Variants in PNO1 observed in about 807,000 individuals in gnomAD.
PNO1 encodes partner of NOB1 homolog, also known as RNA-binding protein PNO1.
Under a neutral mutation model 28.4 loss-of-function variants are expected in PNO1, and 16 were observed. That is an observed-to-expected ratio of 0.56 (90% confidence interval 0.38 to 0.85). The LOEUF (loss-of-function observed/expected upper bound fraction) is 0.85, where lower values mean the gene tolerates loss of function less well. Among genes scored for constraint, PNO1 ranks in the 40% least tolerant of loss-of-function variants. The pLI is 0.00. For missense variants in PNO1, 304 were observed against 312.2 expected, an observed-to-expected ratio of 0.97 and a Z score of 0.20; for synonymous variants, 115 against 110.8, an observed-to-expected ratio of 1.04 and a Z score of -0.24.
chr2:68,174,019 A>C (rs189622428), intron 6 of PNO1, among the ~76,000 whole-genome samples: 29 of 152,298 alleles, frequency 1.9e-4, no homozygotes, highest in African/African-American at 6.3e-4. Context: ...AGGGAACATC[A>C]CATTTTAGGT....
At chr2:68,162,878 A>G (rs115311124) in intron 5 of PNO1, among the ~76,000 whole-genome samples, 2,720 of 152,362 alleles carry the variant, frequency 0.018, 75 homozygotes, top group African/African-American at 0.063. Context: ...AGCATAGCCT[A>G]TCATAAACAT....
At chr2:68,173,808 C>T (rs1674197386) in intron 6 of PNO1, among the ~76,000 whole-genome samples, 1 of 151,924 alleles carries the variant, frequency 6.6e-6, no homozygotes, top group Non-Finnish European at 1.5e-5. Context: ...GTCTCGAACT[C>T]CTGACCTTGT....
intron 2 of PNO1, among the ~76,000 whole-genome samples, chr2:68,159,951 A>G (rs1673786931): frequency 6.7e-6 from 1 of 149,808 alleles, no homozygotes; most frequent in African/African-American, 2.5e-5. Context: ...GCATCTTCAA[A>G]AAACAAAAAA....
chr2:68,170,255 G>T (rs1674092712), intron 5 of PNO1, among the ~76,000 whole-genome samples: 1 of 152,242 alleles, frequency 6.6e-6, no homozygotes, highest in Non-Finnish European at 1.5e-5. Context: ...TTGGTTCCAG[G>T]TATGTTTAAT....
intron 5 of PNO1, among the ~76,000 whole-genome samples, chr2:68,170,666 A>T (rs111468960): frequency 6.7e-6 from 1 of 149,124 alleles, no homozygotes; most frequent in Non-Finnish European, 1.5e-5. Context: ...GAGAATGGCG[A>T]GAATCCGAGA....
chr2:68,164,368 G>A (rs1299059861), intron 5 of PNO1, among the ~76,000 whole-genome samples: 3 of 152,060 alleles, frequency 2.0e-5, no homozygotes, highest in Non-Finnish European at 4.4e-5. Context: ...GCCCACACCT[G>A]TAGTCCCAGC....
At chr2:68,165,386 A>AACAAC (rs1403318792) in intron 5 of PNO1, among the ~76,000 whole-genome samples, 4 of 84,514 alleles carry the variant, frequency 4.7e-5, no homozygotes, top group Non-Finnish European at 9.3e-5. Context: ...AAAACAACAA[A>AACAAC]AAAAAAAAAA....
rs973802997 is a variant in PNO1, at chr2:68,161,870, C to G, written c.441+104C>G. On this transcript the variant is annotated intron_variant, in intron 3 of 6. Transcript: ENST00000263657. ...AAAAAAAAGGCCAGGCACAGTGGCT[C>G]ACACCTGTAATCTCAGCACTCTGGG... 68 of 753,098 alleles carry G rather than the reference C, an allele frequency of 9.0e-5. No homozygotes were observed. In the African/African-American group the frequency reaches 1.0e-3, roughly 12 times the overall value. 46.7% of individuals were successfully genotyped at this position (753,098 alleles called of 1,614,324 possible). A position where few individuals can be genotyped will look rare whatever the true frequency, so the allele number is the denominator to read the frequency against.
chr2:68,176,147 A>C lies in PNO1; in HGVS notation c.*1345A>C, dbSNP rs564539691. The C allele has an allele frequency of 2.0e-5, 3 of 152,356 alleles. No homozygotes were observed. In the East Asian group the frequency reaches 5.8e-4, roughly 29 times the overall value. The allele number at this position is 152,356 out of a possible 1,614,324, so 9.4% of individuals were successfully genotyped here. On this transcript the variant is annotated 3_prime_UTR_variant, in exon 7 of 7. Transcript: ENST00000263657. Reference sequence around the variant, plus strand: ...CCAAAAAACTATGCTCTATAAATGCAGATTAGCTAGTTTCTGCCTGTTTAA... The same window carrying C: ...CCAAAAAACTATGCTCTATAAATGCCGATTAGCTAGTTTCTGCCTGTTTAA...
At chr2:68,164,690 AG>A (rs1308116599) in intron 5 of PNO1, among the ~76,000 whole-genome samples, 6 of 152,068 alleles carry the variant, frequency 3.9e-5, no homozygotes, top group Non-Finnish European at 4.4e-5. Context: ...CTAGCTGCTC[AG>A]GAGGCTCAGG....
chr2:68,167,818 G>C (rs1674031189), intron 5 of PNO1, among the ~76,000 whole-genome samples: 1 of 152,146 alleles, frequency 6.6e-6, no homozygotes, highest in Admixed American at 6.5e-5. Flanking sequence ...AGCATCCTTT[G>C]CTGGCGTTAA....
At position 68,162,285 on chromosome 2, in the gene PNO1, G is replaced by A; in HGVS notation, c.462G>A (p.Arg154=). Residue 154 remains arginine (R), a synonymous_variant, in exon 4 of 7, where the codon AGG becomes AGA. Transcript: ENST00000263657. Reference sequence around the variant, plus strand: ...TATAGGATGCACTTGCCCTCATCAGGTTGGATGACCTCTTCCTAGAGTCTT... The same window carrying A: ...TATAGGATGCACTTGCCCTCATCAGATTGGATGACCTCTTCCTAGAGTCTT... ...FQVEDALALI[R]LDDLFLESFE... is the part of the protein sequence containing the mutation. The A allele has an allele frequency of 1.2e-6, 2 of 1,613,336 alleles. No homozygotes were observed. Among genetic ancestry groups the A allele is most frequent in the Non-Finnish European group, 1.7e-6 (2 of 1,179,370 alleles).
In PNO1 at chr2:68,161,794, G is replaced by C. The variant is rs771607650; in HGVS notation, c.441+28G>C. The C allele has an allele frequency of 3.4e-5, 48 of 1,430,496 alleles. No homozygotes were observed. The Admixed American group carries it at 8.1e-4, about 24-fold the overall frequency. The allele number at this position is 1,430,496 out of a possible 1,614,324, so 88.6% of individuals were successfully genotyped here. A position where few individuals can be genotyped will look rare whatever the true frequency, so the allele number is the denominator to read the frequency against. ...GAGTAATTCCATGATATCTAAAATGGGGACTTTAAAAATATTCAATGTGAA... is the reference window on the plus strand; with the variant it reads ...GAGTAATTCCATGATATCTAAAATGCGGACTTTAAAAATATTCAATGTGAA... On this transcript the variant is annotated intron_variant, in intron 3 of 6. Coordinates refer to ENST00000263657, the MANE Select transcript of PNO1 (RefSeq NM_020143.4).
chr2:68,159,780 T>C (rs1673782117), intron 2 of PNO1, among the ~76,000 whole-genome samples: 2 of 152,218 alleles, frequency 1.3e-5, no homozygotes, highest in Admixed American at 1.3e-4. Flanking sequence ...TCTTTGTCCC[T>C]GTTGCCATTC....
At position 68,175,310 on chromosome 2, in the gene PNO1, A is replaced by C. The variant is rs1380795343; in HGVS notation, c.*508A>C. ...GGTCTCACTTTGTCACCCAGGCTAG[A>C]GTGCAGTGGTGCAATCTCAGCTCAC... On this transcript the variant is annotated 3_prime_UTR_variant, in exon 7 of 7. Transcript: ENST00000263657. 1 of 152,540 alleles carries C rather than the reference A, an allele frequency of 6.6e-6. No homozygotes were observed. The highest frequency in any genetic ancestry group is 1.5e-5 in the Non-Finnish European group (1 of 68,318). The allele number at this position is 152,540 out of a possible 1,614,324, so 9.4% of individuals were successfully genotyped here.
chr2:68,158,364 G>T lies in PNO1; in HGVS notation c.208-16G>T. ...CCCTCCATAGCCTTCTGAGTTGTGT[G>T]TTCTTTTATTTACAGAGTGGGAAAG... On this transcript the variant is annotated splice_polypyrimidine_tract_variant and intron_variant, in intron 1 of 6. Transcript: ENST00000263657. The T allele has an allele frequency of 6.2e-7, 1 of 1,603,752 alleles. No homozygotes were observed. Among genetic ancestry groups the T allele is most frequent in the African/African-American group, 1.3e-5 (1 of 74,328 alleles).
chr2:68,163,400 A>C (rs1171837814), intron 5 of PNO1, among the ~76,000 whole-genome samples: 1 of 152,062 alleles, frequency 6.6e-6, no homozygotes, highest in South Asian at 2.1e-4. Flanking sequence ...GGCATGTGGC[A>C]TACGCCTTTA....
At chr2:68,161,570 G>A in intron 2 of PNO1, 113 bp from the exon 3 acceptor site, 1 of 700,286 alleles carries the variant, frequency 1.4e-6, no homozygotes, top group Non-Finnish European at 2.6e-6. Flanking sequence ...TTAGGGAAAG[G>A]TGGTGGTGAA....
At position 68,157,898 on chromosome 2, in the gene PNO1, A is replaced by G. The variant is rs763352086; in HGVS notation, c.-37A>G. 3.2e-6 allele frequency: 5 copies of G among 1,583,202 alleles called. No homozygotes were observed. The highest frequency in any genetic ancestry group is 3.3e-5 in the Admixed American group (2 of 59,786). On this transcript the variant is annotated 5_prime_UTR_variant, in exon 1 of 7. Transcript: ENST00000263657. ...TGGCTTCTGCGTGGTGCAGCTGCGC[A>G]CGTGTTTCAGCCGGCAGCGCTTTAA...
Sources: gnomAD v4.1 joint callset for allele counts (sites outside exome capture counted in the v4.1 genomes callset) on GRCh38, gnomAD v4.1.1 for gene constraint, MANE v1.5 for transcripts, NCBI Gene and HGNC (gene_info 2026-07-23, HGNC 2026-07-21) for gene names.